The following STXBP6 variants were observed in gnomAD, a reference collection of about 807,000 sequenced individuals.
STXBP6 encodes syntaxin binding protein 6.
In STXBP6, 21 loss-of-function variants were observed where a neutral mutation model predicts 26.9. That is an observed-to-expected ratio of 0.78 (90% confidence interval 0.55 to 1.12). The LOEUF is 1.12. Among genes scored for constraint, STXBP6 ranks in the 50% most tolerant of loss-of-function variants. STXBP6 has a pLI of 0.00. For synonymous variants in STXBP6, 97 were observed against 92.6 expected, an observed-to-expected ratio of 1.05 and a Z score of -0.27; for missense variants, 232 against 257.9, an observed-to-expected ratio of 0.90 and a Z score of 0.69.
At chr14:24,924,675 C>G (rs1427691312) in intron 2 of STXBP6, among the ~76,000 whole-genome samples, 1 of 152,108 alleles carries the variant, frequency 6.6e-6, no homozygotes, top group African/African-American at 2.4e-5. Context: ...ATGTATGTAC[C>G]TCCTGTTACA....
chr14:24,879,182 C>T (rs963015078), intron 2 of STXBP6, among the ~76,000 whole-genome samples: 8 of 152,104 alleles, frequency 5.3e-5, no homozygotes, highest in Non-Finnish European at 7.4e-5. Flanking sequence ...TTTATCATTC[C>T]TATCAAACAA....
At chr14:25,009,179 C>T (rs1233373440) in intron 1 of STXBP6, among the ~76,000 whole-genome samples, 3 of 152,124 alleles carry the variant, frequency 2.0e-5, no homozygotes, top group Non-Finnish European at 4.4e-5. Context: ...TATTATAAGA[C>T]GTCAAGTTAA....
intron 4 of STXBP6, among the ~76,000 whole-genome samples, chr14:24,841,999 C>T (rs2068798724): frequency 6.6e-6 from 1 of 152,150 alleles, no homozygotes; most frequent in African/African-American, 2.4e-5. Flanking sequence ...CTCCTCATTG[C>T]CTTGACCTTT....
Position 25,033,148 on chromosome 14 carries a change from C to T in STXBP6, c.-33+16730G>A, listed in dbSNP as rs138544511. ...CTATAGTCTACCTGGGGAGGCATGA[C>T]GGTCCATGCAATGACACCACCATCA... On this transcript the variant is annotated intron_variant, in intron 1 of 5. Transcript: ENST00000323944. Among the ~76,000 whole-genome samples the T allele has an allele frequency of 2.5e-4, 38 of 152,320 alleles. No individual in the cohort carries two copies. In the East Asian group the frequency reaches 6.4e-3, roughly 26 times the overall value.
intron 2 of STXBP6, among the ~76,000 whole-genome samples, chr14:24,939,460 C>T (rs2072723143): frequency 6.9e-6 from 1 of 144,562 alleles, no homozygotes; most frequent in Non-Finnish European, 1.5e-5. Flanking sequence ...ATCTACATTA[C>T]CTTTTTTTTT....
intron 2 of STXBP6, among the ~76,000 whole-genome samples, chr14:24,906,141 C>T (rs2071378700): frequency 6.6e-6 from 1 of 152,048 alleles, no homozygotes. Context: ...TCATTTTCAT[C>T]CCTTAATTTT....
At chr14:24,966,713 A>AT (rs1042309860) in intron 2 of STXBP6, among the ~76,000 whole-genome samples, 34 of 152,274 alleles carry the variant, frequency 2.2e-4, no homozygotes, top group African/African-American at 8.2e-4. Flanking sequence ...TCAGGCATCT[A>AT]TTTTTTCTAC....
chr14:24,947,312 G>C (rs370035000), intron 2 of STXBP6, among the ~76,000 whole-genome samples: 2 of 152,180 alleles, frequency 1.3e-5, no homozygotes, highest in African/African-American at 4.8e-5. Flanking sequence ...GCCATGATGG[G>C]AACAGCCCAC....
At chr14:24,815,402 T>C (rs963625789) in intron 5 of STXBP6, among the ~76,000 whole-genome samples, 1 of 151,614 alleles carries the variant, frequency 6.6e-6, no homozygotes, top group African/African-American at 2.4e-5. Flanking sequence ...CAGGCAGATA[T>C]AGTATCAATA....
At chr14:24,975,043 AC>A (rs1595229625) in intron 1 of STXBP6, among the ~76,000 whole-genome samples, 193 bp from the exon 2 acceptor site, 1 of 152,316 alleles carries the variant, frequency 6.6e-6, no homozygotes, top group East Asian at 1.9e-4. Context: ...AAAAATAAAG[AC>A]AAAAAGGGGG....
chr14:24,948,619 C>T (rs369380421), intron 2 of STXBP6, among the ~76,000 whole-genome samples: 13 of 152,106 alleles, frequency 8.5e-5, no homozygotes, highest in Admixed American at 5.2e-4. Flanking sequence ...GAGCAAGCAC[C>T]ATGTTTACTG....
chr14:24,874,542 C>T (rs541573176), intron 2 of STXBP6, among the ~76,000 whole-genome samples: 4 of 152,122 alleles, frequency 2.6e-5, no homozygotes, highest in East Asian at 3.9e-4. Flanking sequence ...GAATCCAAAT[C>T]GCTCCCAAAT....
At chr14:24,822,059 T>A (rs141007621) in intron 4 of STXBP6, among the ~76,000 whole-genome samples, 44 of 152,318 alleles carry the variant, frequency 2.9e-4, no homozygotes, top group African/African-American at 1.0e-3. Context: ...TAGGTCATGC[T>A]GCTGAGCTCC....
At chr14:25,045,439 A>T (rs11626133) in intron 1 of STXBP6, among the ~76,000 whole-genome samples, 46,492 of 151,818 alleles carry the variant, frequency 0.31, 7,219 homozygotes, top group Non-Finnish European at 0.32. Context: ...TCAGCAATTC[A>T]ATCAGCTGGA....
At chr14:24,968,125 A>T (rs1325925500) in intron 2 of STXBP6, among the ~76,000 whole-genome samples, 3 of 149,972 alleles carry the variant, frequency 2.0e-5, no homozygotes, top group Non-Finnish European at 3.0e-5. Context: ...TATAATTTTT[A>T]AAAATTTCTT....
At chr14:24,996,574 T>TA (rs1225721108) in intron 1 of STXBP6, among the ~76,000 whole-genome samples, 5 of 150,820 alleles carry the variant, frequency 3.3e-5, no homozygotes, top group Non-Finnish European at 7.4e-5. Context: ...AAAATAAAAT[T>TA]AAAAAAAAGG....
chr14:24,868,346 T>C (rs1225744133), intron 2 of STXBP6, among the ~76,000 whole-genome samples: 2 of 152,116 alleles, frequency 1.3e-5, no homozygotes, highest in Admixed American at 1.3e-4. Flanking sequence ...TAAAAGGATG[T>C]TCAACATTAC....
At chr14:24,851,787 C>A (rs1194386644) in intron 4 of STXBP6, among the ~76,000 whole-genome samples, 1 of 152,120 alleles carries the variant, frequency 6.6e-6, no homozygotes. Flanking sequence ...AGCAGCCAGA[C>A]CTGGCTCCCC....
At chr14:24,968,170 AAT>A (rs72223372) in intron 2 of STXBP6, among the ~76,000 whole-genome samples, 8,327 of 144,216 alleles carry the variant, frequency 0.058, 247 homozygotes, top group Middle Eastern at 0.098. Context: ...TATAATAAAG[AAT>A]ATATATATAT....
Sources: gnomAD v4.1 joint callset for allele counts (sites outside exome capture counted in the v4.1 genomes callset) on GRCh38, gnomAD v4.1.1 for gene constraint, MANE v1.5 for transcripts, NCBI Gene and HGNC (gene_info 2026-07-23, HGNC 2026-07-21) for gene names.